PLEKHA2: variants seen among roughly 807,000 people sequenced by gnomAD.
The protein encoded by PLEKHA2 is pleckstrin homology domain containing A2.
In PLEKHA2, 28 loss-of-function variants were observed where a neutral mutation model predicts 53.2. The ratio of observed to expected loss-of-function variants is 0.53; its 90% confidence interval spans 0.39 to 0.72. The LOEUF is 0.72. Among genes scored for constraint, PLEKHA2 ranks in the 30% least tolerant of loss-of-function variants. PLEKHA2 has a pLI of 0.00. For missense variants in PLEKHA2, 426 were observed against 537.9 expected, an observed-to-expected ratio of 0.79 and a Z score of 2.06; for synonymous variants, 193 against 196.4, an observed-to-expected ratio of 0.98 and a Z score of 0.14.
chr8:38,963,222 C>G (rs570116353), intron 10 of PLEKHA2, among the ~76,000 whole-genome samples: 1 of 152,318 alleles, frequency 6.6e-6, no homozygotes, highest in Non-Finnish European at 1.5e-5. Context: ...AAACTGCCCT[C>G]AAGGACAGAA....
chr8:38,937,423 G>A (rs1039562866), intron 3 of PLEKHA2, among the ~76,000 whole-genome samples: 3 of 152,170 alleles, frequency 2.0e-5, no homozygotes, highest in African/African-American at 7.2e-5. Context: ...GGAGAATTGA[G>A]AGCAGAGGAG....
rs1034602624 is a variant in PLEKHA2 at position 38,940,605 on chromosome 8, G to T, written c.199-3184G>T. 5.0e-4 allele frequency among the ~76,000 whole-genome samples: 72 copies of T among 142,934 alleles called. 1 individual carries two copies. The highest frequency in any genetic ancestry group is 1.8e-3 in the African/African-American group (70 of 38,878). The allele number at this position is 142,934 out of a possible 152,430, so 93.8% of individuals were successfully genotyped here. A position where few individuals can be genotyped will look rare whatever the true frequency, so the allele number is the denominator to read the frequency against. On this transcript the variant is annotated intron_variant, in intron 3 of 11. Coordinates refer to ENST00000617275, the MANE Select transcript of PLEKHA2 (RefSeq NM_021623.2). ...GAGTGACTGACAGATTAACACTCAG[G>T]TGTAAGCAGGACAGAAGTCTATGCC... is the stretch of plus-strand genomic sequence containing the variant.
chr8:38,937,371 G>T (rs1488641435), intron 3 of PLEKHA2, among the ~76,000 whole-genome samples: 1 of 152,194 alleles, frequency 6.6e-6, no homozygotes, highest in Non-Finnish European at 1.5e-5. Flanking sequence ...TCCTCATCTT[G>T]CTGAGAGCTC....
intron 10 of PLEKHA2, among the ~76,000 whole-genome samples, chr8:38,958,443 A>G (rs928402553): frequency 1.3e-5 from 2 of 152,192 alleles, no homozygotes; most frequent in African/African-American, 4.8e-5. Context: ...CTGGGCCTCG[A>G]GTGTCACTCC....
At chr8:38,920,300 G>C (rs938820258) in intron 2 of PLEKHA2, among the ~76,000 whole-genome samples, 28 of 151,974 alleles carry the variant, frequency 1.8e-4, no homozygotes, top group African/African-American at 6.5e-4. Context: ...ACAGGCACCC[G>C]CCACCACGCC....
chr8:38,911,063 G>A (rs945321580), intron 1 of PLEKHA2, among the ~76,000 whole-genome samples: 5 of 152,108 alleles, frequency 3.3e-5, no homozygotes, highest in Non-Finnish European at 7.4e-5. Context: ...GGGAAGATAG[G>A]GTGCTGAGTG....
At chr8:38,941,053 A>G (rs937435411) in intron 3 of PLEKHA2, among the ~76,000 whole-genome samples, 1 of 115,988 alleles carries the variant, frequency 8.6e-6, no homozygotes, top group African/African-American at 3.5e-5. Flanking sequence ...AATCTAAGGT[A>G]TCTTTTTTTT....
chr8:38,942,906 A>G (rs1043434886), intron 3 of PLEKHA2, among the ~76,000 whole-genome samples: 2 of 152,166 alleles, frequency 1.3e-5, no homozygotes, highest in Non-Finnish European at 2.9e-5. Flanking sequence ...CTCCGATTCC[A>G]TCAGCCCCTC....
At chr8:38,962,564 A>T (rs758273863) in intron 10 of PLEKHA2, among the ~76,000 whole-genome samples, 27 of 152,358 alleles carry the variant, frequency 1.8e-4, no homozygotes, top group Non-Finnish European at 3.2e-4. Flanking sequence ...GCTTGTAAGC[A>T]GGTAAACAGT....
intron 2 of PLEKHA2, among the ~76,000 whole-genome samples, chr8:38,931,917 A>G (rs1184337998): frequency 2.6e-5 from 4 of 152,180 alleles, no homozygotes; most frequent in Admixed American, 2.6e-4. Flanking sequence ...TGTTCTGACC[A>G]CATTCCATTT....
chr8:38,918,560 ATT>A (rs1564109959), intron 2 of PLEKHA2, among the ~76,000 whole-genome samples: 1 of 134,764 alleles, frequency 7.4e-6, no homozygotes, highest in African/African-American at 2.8e-5. Flanking sequence ...CCACACACAC[ATT>A]ATACACACAC....
intron 2 of PLEKHA2, among the ~76,000 whole-genome samples, chr8:38,921,312 T>G (rs1834190120): frequency 1.3e-5 from 2 of 152,226 alleles, no homozygotes; most frequent in African/African-American, 4.8e-5. Context: ...ATTTACCTGC[T>G]TCACGCCATG....
Position 38,929,248 on chromosome 8 carries a change from A to T in PLEKHA2, c.142-6746A>T, listed in dbSNP as rs12542664. Among the ~76,000 whole-genome samples the T allele has an allele frequency of 7.0e-3, 1,060 of 152,242 alleles. 45 individuals carry two copies. Among genetic ancestry groups the T allele is most frequent in the Admixed American group, 0.058 (886 of 15,296 alleles). ...TCTGCTGGACACCCCAGGGGCCTGT[A>T]AGAGAAGGTCAGATGGCACCAGCAT... On this transcript the variant is annotated intron_variant, in intron 2 of 11. Coordinates refer to ENST00000617275, the MANE Select transcript of PLEKHA2 (RefSeq NM_021623.2).
chr8:38,951,305 T>C (rs1834834113), intron 6 of PLEKHA2, among the ~76,000 whole-genome samples: 1 of 152,148 alleles, frequency 6.6e-6, no homozygotes, highest in African/African-American at 2.4e-5. Context: ...CAAACAAGGC[T>C]GGAAACCAGC....
intron 2 of PLEKHA2, among the ~76,000 whole-genome samples, chr8:38,924,180 G>T (rs1834242901): frequency 6.6e-6 from 1 of 152,102 alleles, no homozygotes; most frequent in African/African-American, 2.4e-5. Context: ...TCCTTTGATT[G>T]TTATACCTAC....
chr8:38,942,335 C>T (rs1328215648), intron 3 of PLEKHA2, among the ~76,000 whole-genome samples: 1 of 152,004 alleles, frequency 6.6e-6, no homozygotes, highest in African/African-American at 2.4e-5. Flanking sequence ...TCTGAGAAGT[C>T]GAGGCTGCAG....
intron 1 of PLEKHA2, among the ~76,000 whole-genome samples, chr8:38,909,393 A>G (rs565627214): frequency 6.6e-6 from 1 of 152,278 alleles, no homozygotes; most frequent in South Asian, 2.1e-4. Flanking sequence ...TCCTGGGTGT[A>G]TAAGAATCCT....
intron 5 of PLEKHA2, among the ~76,000 whole-genome samples, chr8:38,948,484 G>A (rs1469319836): frequency 6.6e-6 from 1 of 152,180 alleles, no homozygotes; most frequent in Non-Finnish European, 1.5e-5. Context: ...GTATCTCTCA[G>A]CCAGAAAGAA....
intron 5 of PLEKHA2, among the ~76,000 whole-genome samples, chr8:38,946,608 G>A (rs953319368): frequency 1.3e-5 from 2 of 152,160 alleles, no homozygotes; most frequent in Non-Finnish European, 2.9e-5. Context: ...CCCAGCTTGG[G>A]GGATACTCTT....
Sources: allele counts gnomAD v4.1 joint callset (sites outside exome capture counted in the v4.1 genomes callset), GRCh38; gene constraint gnomAD v4.1.1; transcripts MANE v1.5; gene names NCBI Gene and HGNC (gene_info 2026-07-23, HGNC 2026-07-21).